The following VPS39 variants were observed in gnomAD, a reference collection of about 807,000 sequenced individuals.
The protein encoded by VPS39 is VPS39 subunit of HOPS complex.
VPS39 carries 70 observed loss-of-function variants against 121.0 expected under a neutral mutation model. That is an observed-to-expected ratio of 0.58 (90% CI 0.48 to 0.71). The LOEUF (loss-of-function observed/expected upper bound fraction) is 0.71. VPS39 is among the 30% of genes least tolerant of loss of function. The probability of loss-of-function intolerance (pLI) is 0.00; values close to 1 mark genes in which losing one functional copy is unlikely to be tolerated. For synonymous variants in VPS39, 378 were observed against 398.1 expected (o/e 0.95, Z 0.60); for missense variants, 818 against 1,051.5 (o/e 0.78, Z 3.07).
At chr15:42,172,064 C>T (rs2049357383) in intron 11 of VPS39, among the ~76,000 whole-genome samples, 1 of 152,194 alleles carries the variant, frequency 6.6e-6, no homozygotes, top group African/African-American at 2.4e-5. Context: ...TATCATACAT[C>T]CCATCCTATG....
At position 42,163,695 on chromosome 15, in the gene VPS39, C is replaced by T. The variant is rs754485396; in HGVS notation, c.2060G>A (p.Arg687His). ...AAGAGCTTGTTCATGTTTCCCCATGCGCCCCAACAGGAGAGCTCGTTCTTC... is the reference window on the plus strand; with the variant it reads ...AAGAGCTTGTTCATGTTTCCCCATGTGCCCCAACAGGAGAGCTCGTTCTTC... ...LLEERALLLG[R>H]MGKHEQALFI... Residue 687 changes from arginine (R) to histidine (H), a missense_variant, in exon 20 of 25, where the codon CGC becomes CAC. Transcript: ENST00000318006. The T allele has an allele frequency of 1.3e-5, 21 of 1,613,410 alleles. No individual in the cohort carries two copies. Among genetic ancestry groups the T allele is most frequent in the Admixed American group, 3.3e-5 (2 of 59,916 alleles).
In VPS39 at chr15:42,160,566, A is replaced by T; in HGVS notation, c.*188T>A. 1 of 611,378 alleles carries T rather than the reference A, an allele frequency of 1.6e-6. No individual in the cohort carries two copies. The highest frequency in any genetic ancestry group is 2.9e-6 in the Non-Finnish European group (1 of 341,040). 37.9% of individuals were successfully genotyped at this position (611,378 alleles called of 1,614,324 possible). A position where few individuals can be genotyped will look rare whatever the true frequency, so the allele number is the denominator to read the frequency against. ...TAAGGTATAACTAATCTCTTTTCCC[A>T]TTAAAAAGCTGGCAATGCCAGACCA... On this transcript the variant is annotated 3_prime_UTR_variant, in exon 25 of 25. Transcript: ENST00000318006.
chr15:42,200,278 GATTAA>G (rs1351529768), intron 1 of VPS39, among the ~76,000 whole-genome samples: 1 of 151,816 alleles, frequency 6.6e-6, no homozygotes, highest in African/African-American at 2.4e-5. Context: ...GTATTTTTAA[GATTAA>G]ATTATTATGA....
intron 11 of VPS39, among the ~76,000 whole-genome samples, chr15:42,171,542 T>C (rs1398755761): frequency 6.6e-6 from 1 of 152,236 alleles, no homozygotes; most frequent in Non-Finnish European, 1.5e-5. Flanking sequence ...AGTGGAACCC[T>C]GTCTTCTGCT....
At chr15:42,199,690 A>G (rs984272065) in intron 2 of VPS39, 2 of 548,140 alleles carry the variant, frequency 3.6e-6, no homozygotes, top group Non-Finnish European at 6.5e-6. Context: ...TAAACCAGCA[A>G]TTCATCCTCA....
At chr15:42,164,962 C>T (rs761593228) in intron 18 of VPS39, 34 bp downstream of exon 18, 1 of 1,613,658 alleles carries the variant, frequency 6.2e-7, no homozygotes. Flanking sequence ...CCTCTAAGGC[C>T]TGGGGCCAAC....
In VPS39 at chr15:42,208,262, C is replaced by T; in HGVS notation, c.-109G>A. 4.9e-6 allele frequency: 7 copies of T among 1,423,860 alleles called. No homozygotes were observed. The highest frequency in any genetic ancestry group is 1.3e-5 in the South Asian group (1 of 78,524). 88.2% of individuals were successfully genotyped at this position (1,423,860 alleles called of 1,614,324 possible). The stretch of plus-strand genomic sequence containing the variant: ...GTAGACCGGGATCCGGCCAGGAACC[C>T]CCCGGCTACAGGCCCTTCAACAACA... On this transcript the variant is annotated 5_prime_UTR_variant, in exon 1 of 25. Coordinates refer to ENST00000318006, the MANE Select transcript of VPS39 (RefSeq NM_015289.5).
rs1156400756 is a variant in VPS39 at position 42,158,976 on chromosome 15, C to G, written c.*1778G>C. On this transcript the variant is annotated 3_prime_UTR_variant, in exon 25 of 25. Transcript: ENST00000318006. The stretch of plus-strand genomic sequence containing the variant: ...GGAAGGCAGGGCACACATGGCAGGT[C>G]AAGTTCCTGCTATCCAGGGAGGTGG... 2 of 152,244 alleles carry G rather than the reference C, an allele frequency of 1.3e-5. No homozygotes were observed. The highest frequency in any genetic ancestry group is 2.9e-5 in the Non-Finnish European group (2 of 68,056). 9.4% of individuals were successfully genotyped at this position (152,244 alleles called of 1,614,324 possible).
chr15:42,188,020 C>A (rs143242331), intron 5 of VPS39, among the ~76,000 whole-genome samples, 164 bp from the exon 6 acceptor site: 1 of 151,882 alleles, frequency 6.6e-6, no homozygotes, highest in Non-Finnish European at 1.5e-5. Flanking sequence ...CTCTAAGATG[C>A]GCTAAGAAAC....
Position 42,163,363 on chromosome 15 carries a change from T to A in VPS39, c.2162A>T (p.Asp721Val). Residue 721 changes from aspartate (D) to valine (V), a missense_variant, in exon 21 of 25, where the codon GAT becomes GTT. Asp to Val is a radical substitution (Grantham distance 152). Transcript: ENST00000318006. The stretch of plus-strand genomic sequence containing the variant: ...GTCACTACTCACATCTTTGTTGCCA[T>A]CTTTGTTTCGGTCATAGTGTTTGTG... The part of the protein sequence containing the change: ...YCHKHYDRNK[D>V]GNKDVYLSLL... 6.2e-7 allele frequency: 1 copy of A among 1,614,190 alleles called. No homozygotes were observed. The highest frequency in any genetic ancestry group is 1.3e-5 in the African/African-American group (1 of 75,036).
At chr15:42,174,936 T>C (rs1162207262) in intron 10 of VPS39, among the ~76,000 whole-genome samples, 1 of 151,902 alleles carries the variant, frequency 6.6e-6, no homozygotes, top group Non-Finnish European at 1.5e-5. Context: ...ATCACGCCAC[T>C]GTACTCCAGT....
intron 8 of VPS39, 167 bp downstream of exon 8, chr15:42,184,350 T>C: frequency 1.8e-6 from 1 of 551,050 alleles, no homozygotes; most frequent in Non-Finnish European, 2.9e-6. Context: ...AACTAGACTA[T>C]CCCATTTTTA....
intron 13 of VPS39, 139 bp downstream of exon 13, chr15:42,167,252 CAGG>C (rs1437473116): frequency 2.7e-6 from 3 of 1,091,558 alleles, no homozygotes; most frequent in Non-Finnish European, 3.9e-6. Context: ...TCACAGACAT[CAGG>C]AGAAGTCTAT....
At chr15:42,177,408 A>G (rs2049477001) in intron 10 of VPS39, among the ~76,000 whole-genome samples, 1 of 152,148 alleles carries the variant, frequency 6.6e-6, no homozygotes, top group African/African-American at 2.4e-5. Context: ...CCTTGCAAAC[A>G]TTACAGTAAG....
In VPS39 at chr15:42,169,807, A is replaced by G. The variant is rs746926917; in HGVS notation, c.1150T>C (p.Leu384=). 6.2e-7 allele frequency: 1 copy of G among 1,614,146 alleles called. No individual in the cohort carries two copies. The highest frequency in any genetic ancestry group is 1.1e-5 in the South Asian group (1 of 91,074). Residue 384 remains leucine (L), a synonymous_variant, in exon 12 of 25, where the codon TTG becomes CTG. Transcript: ENST00000318006. ...ACAGGCAATGGGTTGGGATACTGCA[A>G]CTGCTTTCTGTAGTCTGTGGGCAGC... The part of the protein sequence containing the change: ...DLLPTDYRKQ[L]QYPNPLPVLS...
At chr15:42,181,788 C>T (rs183760738) in intron 8 of VPS39, among the ~76,000 whole-genome samples, 39 of 152,056 alleles carry the variant, frequency 2.6e-4, no homozygotes, top group Admixed American at 2.4e-3. Context: ...CGGCTTACTG[C>T]CGCCTCCATC....
At chr15:42,196,278 A>G (rs1333319780) in intron 2 of VPS39, among the ~76,000 whole-genome samples, 1 of 152,114 alleles carries the variant, frequency 6.6e-6, no homozygotes, top group Admixed American at 6.5e-5. Flanking sequence ...CTTCATGTCT[A>G]AAACACCAAA....
intron 4 of VPS39, among the ~76,000 whole-genome samples, chr15:42,189,736 A>AG (rs1473606930): frequency 6.6e-6 from 1 of 150,790 alleles, no homozygotes; most frequent in East Asian, 1.9e-4. Context: ...CTCAAAAAAA[A>AG]AAAAAAAAAA....
chr15:42,184,478 C>G, intron 8 of VPS39, 39 bp downstream of exon 8: 1 of 1,554,818 alleles, frequency 6.4e-7, no homozygotes, highest in Non-Finnish European at 8.7e-7. Context: ...CACACAACCT[C>G]AACCCAAAGT....
Sources: allele counts gnomAD v4.1 joint callset (sites outside exome capture counted in the v4.1 genomes callset), GRCh38; gene constraint gnomAD v4.1.1; transcripts MANE v1.5; gene names NCBI Gene and HGNC (gene_info 2026-07-23, HGNC 2026-07-21).